PPP1R13L: variants seen among roughly 807,000 people sequenced by gnomAD.
PPP1R13L encodes the protein protein phosphatase 1 regulatory subunit 13 like.
PPP1R13L carries 50 observed loss-of-function variants against 80.9 expected under a neutral mutation model. The observed-to-expected ratio is 0.62, with a 90% CI of 0.49 to 0.78. The LOEUF (loss-of-function observed/expected upper bound fraction) is 0.78. PPP1R13L is among the 30% of genes least tolerant of loss of function. PPP1R13L has a pLI of 0.00. For missense variants in PPP1R13L, 1,200 were observed against 1,205.9 expected (o/e 1.00, Z 0.07); for synonymous variants, 602 against 534.3 (o/e 1.13, Z -1.75).
In PPP1R13L at chr19:45,395,611, A is replaced by G. The variant is rs1246773356; in HGVS notation, c.1179T>C (p.Pro393=). 8.2e-6 allele frequency: 12 copies of G among 1,471,854 alleles called. No individual in the cohort carries two copies. The highest frequency in any genetic ancestry group is 2.4e-5 in the Admixed American group (1 of 41,314). 91.2% of individuals were successfully genotyped at this position (1,471,854 alleles called of 1,614,324 possible). Residue 393 remains proline, a synonymous_variant, in exon 7 of 13, where the codon CCT becomes CCC. Coordinates refer to ENST00000360957, the MANE Select transcript of PPP1R13L (RefSeq NM_006663.4). ...GTGCTCGGGTGAAGAGGGGGGACCCAGGGAGCATGGCGCGGCTGGCCCCGT... is the reference window on the plus strand; with the variant it reads ...GTGCTCGGGTGAAGAGGGGGGACCCGGGGAGCATGGCGCGGCTGGCCCCGT... The part of the protein sequence containing the change: ...WEHGASRAML[P]GSPLFTRAPP...
At chr19:45,389,447 T>C (rs1482248299) in intron 8 of PPP1R13L, among the ~76,000 whole-genome samples, 1 of 152,160 alleles carries the variant, frequency 6.6e-6, no homozygotes, top group Non-Finnish European at 1.5e-5. Flanking sequence ...CATCCCCTGG[T>C]CCAATGGTGA....
At chr19:45,383,467 G>T (rs1429485013) in intron 11 of PPP1R13L, among the ~76,000 whole-genome samples, 1 of 150,834 alleles carries the variant, frequency 6.6e-6, no homozygotes, top group Non-Finnish European at 1.5e-5. Flanking sequence ...GCCAATTTTT[G>T]TATCTTTAGT....
chr19:45,393,122 G>A (rs1973012520), intron 7 of PPP1R13L: 1 of 151,214 alleles, frequency 6.6e-6, no homozygotes, highest in African/African-American at 2.4e-5. Context: ...GGAGGCGGAG[G>A]TTGCAGTGAG....
chr19:45,396,885 C>G lies in PPP1R13L; in HGVS notation c.372G>C (p.Pro124=). ...CGTAGGCGTCCGGCTGCAGGTAGAG[C>G]GGGGTGCGCGGCGACGACGGCCGTC... ...PKGRPSSPRT[P]LYLQPDAYGS... The change falls in exon 4 of 13, where the codon CCG becomes CCC. Residue 124 remains proline, a synonymous_variant. Transcript: ENST00000360957. The surrounding 1 kb of genome is among the most constrained non-coding windows in gnomAD (Gnocchi z 5.3). The G allele has an allele frequency of 6.6e-7, 1 of 1,525,394 alleles. No homozygotes were observed. The highest frequency in any genetic ancestry group is 1.2e-5 in the South Asian group (1 of 81,542). The allele number at this position is 1,525,394 out of a possible 1,614,324, so 94.5% of individuals were successfully genotyped here.
At position 45,386,119 on chromosome 19, in the gene PPP1R13L, T is replaced by C; in HGVS notation, c.1877A>G (p.Asn626Ser). ...SPRKARRARLNPLVLLLDAAL... is the reference protein window; with the variant it reads ...SPRKARRARLSPLVLLLDAAL... ...CGCGTCCAGGAGGAGCACCAGAGGG[T>C]TGAGGCGCGCGCGGCGGGCCTTGCG... is the stretch of plus-strand genomic sequence containing the variant. The change falls in exon 9 of 13, where the codon AAC (asparagine) becomes AGC (serine). Residue 626 changes from asparagine (N) to serine (S), a missense_variant. By Grantham distance (46) the Asn-to-Ser change is conservative. Coordinates refer to ENST00000360957, the MANE Select transcript of PPP1R13L (RefSeq NM_006663.4). The C allele has an allele frequency of 6.4e-7, 1 of 1,554,992 alleles. No individual in the cohort carries two copies. The highest frequency in any genetic ancestry group is 1.2e-5 in the South Asian group (1 of 83,778).
At chr19:45,397,517 T>TCTTC (rs1568561596) in intron 3 of PPP1R13L, among the ~76,000 whole-genome samples, 1 of 147,208 alleles carries the variant, frequency 6.8e-6, no homozygotes, top group African/African-American at 2.6e-5. Context: ...TTTCTTTCTT[T>TCTTC]TCTATCTCGG....
chr19:45,380,332 T>A lies in PPP1R13L; in HGVS notation c.2449-104A>T, dbSNP rs1972738571. The A allele has an allele frequency of 2.3e-6, 3 of 1,304,662 alleles. No individual in the cohort carries two copies. In the Admixed American group the frequency reaches 5.2e-5, roughly 23 times the overall value. 80.8% of individuals were successfully genotyped at this position (1,304,662 alleles called of 1,614,324 possible). A position where few individuals can be genotyped will look rare whatever the true frequency, so the allele number is the denominator to read the frequency against. ...CCTCCCACCCCTTCCTAAGGGGACC[T>A]CTCAGCACCTCCCAAACTGCTCCAG... On this transcript the variant is annotated intron_variant, in intron 12 of 12. Transcript: ENST00000360957.
At chr19:45,386,472 T>C (rs546061933) in intron 8 of PPP1R13L, among the ~76,000 whole-genome samples, 1 of 152,278 alleles carries the variant, frequency 6.6e-6, no homozygotes, top group South Asian at 2.1e-4. Flanking sequence ...AAACAATGAT[T>C]GTGGAAGCCA....
In PPP1R13L at chr19:45,393,507, G is replaced by A. The variant is rs550112926; in HGVS notation, c.1355-1167C>T. Among the ~76,000 whole-genome samples, 32 of 151,766 alleles carry A rather than the reference G, an allele frequency of 2.1e-4. No homozygotes were observed. The South Asian group carries it at 6.2e-3, about 30-fold the overall frequency. On this transcript the variant is annotated intron_variant, in intron 7 of 12. Coordinates refer to ENST00000360957, the MANE Select transcript of PPP1R13L (RefSeq NM_006663.4). ...CTTGGGAAGCTGAGGTAGGAGAATC[G>A]CTTGAACCTGGGAGGTGTAGGATGC...
Position 45,392,981 on chromosome 19 carries a change from C to T in PPP1R13L, c.1355-641G>A, listed in dbSNP as rs1253493105. On this transcript the variant is annotated intron_variant, in intron 7 of 12. Coordinates refer to ENST00000360957, the MANE Select transcript of PPP1R13L (RefSeq NM_006663.4). ...AGGAGTTTGAGACCAGCCTGGCCAA[C>T]ATGGTAAAACCCTGTCTCTACTAAA... 6.7e-5 allele frequency: 8 copies of T among 120,228 alleles called. No individual in the cohort carries two copies. In the Admixed American group the frequency reaches 8.6e-4, roughly 13 times the overall value. The allele number at this position is 120,228 out of a possible 1,614,324, so 7.4% of individuals were successfully genotyped here.
At chr19:45,392,857 C>G (rs1018281083) in intron 7 of PPP1R13L, 1 of 200,964 alleles carries the variant, frequency 5.0e-6, no homozygotes, top group African/African-American at 2.4e-5. Flanking sequence ...GACAGTAAAG[C>G]AGGTGGAAAT....
chr19:45,389,534 G>A (rs1401303873), intron 8 of PPP1R13L, among the ~76,000 whole-genome samples: 1 of 152,148 alleles, frequency 6.6e-6, no homozygotes, highest in African/African-American at 2.4e-5. Flanking sequence ...TCTTGGCGGG[G>A]TGTGGTGGCT....
chr19:45,399,610 C>T (rs541861440), intron 1 of PPP1R13L, among the ~76,000 whole-genome samples: 1 of 147,694 alleles, frequency 6.8e-6, no homozygotes, highest in African/African-American at 2.5e-5. Flanking sequence ...GGCGACAGTG[C>T]GAGACTCCGT....
At chr19:45,397,162 G>T in intron 3 of PPP1R13L, 104 bp from the exon 4 acceptor site, 1 of 951,748 alleles carries the variant, frequency 1.1e-6, no homozygotes, top group Non-Finnish European at 1.4e-6. Context: ...GGTCAACCCA[G>T]AGGAGGCTGA....
chr19:45,393,499 G>A (rs1973020984), intron 7 of PPP1R13L, among the ~76,000 whole-genome samples: 1 of 151,932 alleles, frequency 6.6e-6, no homozygotes, highest in Non-Finnish European at 1.5e-5. Flanking sequence ...AGCTGAGGTA[G>A]GAGAATCGCT....
intron 8 of PPP1R13L, among the ~76,000 whole-genome samples, chr19:45,386,758 C>G (rs1301563298): frequency 2.0e-5 from 3 of 151,430 alleles, no homozygotes; most frequent in South Asian, 2.1e-4. Flanking sequence ...GCCTCAGCCT[C>G]CTGAGTAGCT....
rs1972857737 is a variant in PPP1R13L at position 45,385,897 on chromosome 19, C to T, written c.2008G>A (p.Gly670Ser). Reference protein sequence around the residue: ...GITALHNAICGANYSIVDFLI... With the variant: ...GITALHNAICSANYSIVDFLI... Reference sequence around the variant, plus strand: ...AAATCCACGATAGAGTAGTTGGCGCCGCAGATGGCGTTGTGCAAGGCAGTG... The same window carrying T: ...AAATCCACGATAGAGTAGTTGGCGCTGCAGATGGCGTTGTGCAAGGCAGTG... The change falls in exon 10 of 13, where the codon GGC becomes AGC. Residue 670 changes from glycine to serine, a missense_variant. Coordinates refer to ENST00000360957, the MANE Select transcript of PPP1R13L (RefSeq NM_006663.4). The T allele has an allele frequency of 3.1e-6, 5 of 1,611,428 alleles. No homozygotes were observed. The highest frequency in any genetic ancestry group is 1.3e-5 in the African/African-American group (1 of 75,012).
rs1972785192 is a variant in PPP1R13L at position 45,382,613 on chromosome 19, G to A, written c.2362C>T (p.Leu788=). The change falls in exon 12 of 13, where the codon CTG becomes TTG. Residue 788 remains leucine, a synonymous_variant. Transcript: ENST00000360957. Reference sequence around the variant, plus strand: ...GTCTCCTCCGGCCCGTCCCTCCGCAGCACGGTGACCGACTCGCCCTCGCGG... The same window carrying A: ...GTCTCCTCCGGCCCGTCCCTCCGCAACACGGTGACCGACTCGCCCTCGCGG... The part of the protein sequence containing the change: ...SFREGESVTV[L]RRDGPEETDW... 1 of 1,613,732 alleles carries A rather than the reference G, an allele frequency of 6.2e-7. No individual in the cohort carries two copies. The highest frequency in any genetic ancestry group is 8.5e-7 in the Non-Finnish European group (1 of 1,179,998).
At chr19:45,392,410 C>G in intron 7 of PPP1R13L, 70 bp from the exon 8 acceptor site, 1 of 1,458,626 alleles carries the variant, frequency 6.9e-7, no homozygotes, top group South Asian at 1.2e-5. Flanking sequence ...TCCACAACTT[C>G]CAGGGCATAC....
Sources: gnomAD v4.1 joint callset for allele counts (sites outside exome capture counted in the v4.1 genomes callset) on GRCh38, gnomAD v4.1.1 for gene constraint, Gnocchi (gnomAD v3.1) non-coding constraint, MANE v1.5 for transcripts, NCBI Gene and HGNC (gene_info 2026-07-23, HGNC 2026-07-21) for gene names.